CWC27: variants seen among roughly 807,000 people sequenced by gnomAD.
The protein encoded by CWC27 is CWC27 spliceosome associated cyclophilin, also known as spliceosome-associated protein CWC27 homolog.
Under a neutral mutation model 63.6 loss-of-function variants are expected in CWC27, and 47 were observed. The ratio of observed to expected loss-of-function variants is 0.74; its 90% CI spans 0.58 to 0.94. The LOEUF is 0.94. CWC27 is among the 40% of genes least tolerant of loss of function. The pLI is 0.00. For missense variants in CWC27, 495 were observed against 554.3 expected (o/e 0.89, Z 1.07); for synonymous variants, 175 against 179.8 (o/e 0.97, Z 0.22).
At chr5:64,900,796 G>A (rs1365599410) in intron 11 of CWC27, among the ~76,000 whole-genome samples, 5 of 151,962 alleles carry the variant, frequency 3.3e-5, no homozygotes, top group Admixed American at 6.6e-5. Flanking sequence ...TGATTTTATC[G>A]TTGTGTAAAC....
chr5:64,907,768 T>C (rs1440711163), intron 11 of CWC27, among the ~76,000 whole-genome samples: 1 of 152,202 alleles, frequency 6.6e-6, no homozygotes, highest in Non-Finnish European at 1.5e-5. Flanking sequence ...GCTTCCAGTT[T>C]TTGCCCATTC....
chr5:64,971,834 C>T (rs772041657), intron 12 of CWC27, 22 bp downstream of exon 12: 4 of 1,464,594 alleles, frequency 2.7e-6, no homozygotes, highest in Non-Finnish European at 3.8e-6. Context: ...AACCCAAATC[C>T]ATACAGAACT....
At chr5:64,986,422 G>A (rs895653641) in intron 13 of CWC27, among the ~76,000 whole-genome samples, 1 of 152,068 alleles carries the variant, frequency 6.6e-6, no homozygotes, top group Non-Finnish European at 1.5e-5. Flanking sequence ...ATACATTGTT[G>A]AATTTGATTT....
At chr5:64,969,515 C>T (rs1229163795) in intron 11 of CWC27, among the ~76,000 whole-genome samples, 1 of 152,102 alleles carries the variant, frequency 6.6e-6, no homozygotes, top group South Asian at 2.1e-4. Flanking sequence ...GGGCAAATTA[C>T]CCTACACCTT....
chr5:64,884,516 A>G (rs11738479), intron 10 of CWC27, among the ~76,000 whole-genome samples: 50,268 of 152,128 alleles, frequency 0.33, 8,621 homozygotes, highest in East Asian at 0.51. Context: ...GTAATTATCT[A>G]GACTTCAGAT....
In CWC27 at chr5:64,774,914, A is replaced by G. The variant is rs574809154; in HGVS notation, c.139+127A>G. ...GAATGACAGGTGTTGCTATGAGGATATGGTATTGAGCTGGGTGTCCGGAAG... is the reference window on the plus strand; with the variant it reads ...GAATGACAGGTGTTGCTATGAGGATGTGGTATTGAGCTGGGTGTCCGGAAG... On this transcript the variant is annotated intron_variant, in intron 2 of 13. Transcript: ENST00000381070. 2.7e-4 allele frequency: 155 copies of G among 578,050 alleles called. No homozygotes were observed. The African/African-American group carries it at 2.8e-3, about 10-fold the overall frequency. The allele number at this position is 578,050 out of a possible 1,614,324, so 35.8% of individuals were successfully genotyped here.
At chr5:64,776,103 G>A in intron 2 of CWC27, among the ~76,000 whole-genome samples, 2 of 146,070 alleles carry the variant, frequency 1.4e-5, no homozygotes, top group African/African-American at 5.3e-5. Context: ...GAGAGAGAGA[G>A]AGAGAGAGAG....
In CWC27 at chr5:64,951,204, G is replaced by C. The variant is rs1271167414; in HGVS notation, c.1043-20499G>C. On this transcript the variant is annotated intron_variant, in intron 11 of 13. Coordinates refer to ENST00000381070, the MANE Select transcript of CWC27 (RefSeq NM_005869.4). The stretch of plus-strand genomic sequence containing the variant: ...GCACTCCCTCTGGCAATGTAGAAGA[G>C]TTCTAGTTGCATCAAATCCTTGTCA... Among the ~76,000 whole-genome samples, 4 of 151,914 alleles carry C rather than the reference G, an allele frequency of 2.6e-5. No homozygotes were observed. In the South Asian group the frequency reaches 8.3e-4, roughly 32 times the overall value.
chr5:64,933,268 A>T (rs1748275728), intron 11 of CWC27, among the ~76,000 whole-genome samples: 1 of 152,204 alleles, frequency 6.6e-6, no homozygotes, highest in African/African-American at 2.4e-5. Flanking sequence ...TATTTAATAG[A>T]ATTAAATCCC....
intron 10 of CWC27, among the ~76,000 whole-genome samples, chr5:64,851,769 A>G (rs986058220): frequency 5.6e-5 from 8 of 142,664 alleles, no homozygotes; most frequent in African/African-American, 1.0e-4. Context: ...GCTAAGCAAT[A>G]CCAAGTAAAA....
At chr5:64,970,254 C>T (rs1749095717) in intron 11 of CWC27, among the ~76,000 whole-genome samples, 2 of 150,992 alleles carry the variant, frequency 1.3e-5, no homozygotes, top group South Asian at 4.2e-4. Context: ...GCTCTGTCGC[C>T]CAGGCTGGAG....
intron 7 of CWC27, among the ~76,000 whole-genome samples, chr5:64,796,721 A>G (rs113316886): frequency 1.4e-3 from 211 of 151,470 alleles, no homozygotes; most frequent in African/African-American, 4.8e-3. Context: ...TTCTTGGTCA[A>G]TGTTGCTCCT....
intron 11 of CWC27, among the ~76,000 whole-genome samples, chr5:64,911,202 ATC>A (rs1415557350): frequency 6.6e-6 from 1 of 152,110 alleles, no homozygotes; most frequent in Non-Finnish European, 1.5e-5. Context: ...ATTCCATTTT[ATC>A]TCTCTCTTGT....
intron 10 of CWC27, among the ~76,000 whole-genome samples, chr5:64,814,974 T>TCAAATATACCAAAGGTATATTC (rs1182889944): frequency 6.6e-6 from 1 of 152,064 alleles, no homozygotes; most frequent in Non-Finnish European, 1.5e-5. Flanking sequence ...AAGGTATATT[T>TCAAATATACCAAAGGTATATTC]CAAATATACC....
At chr5:64,909,339 C>T (rs1240035551) in intron 11 of CWC27, among the ~76,000 whole-genome samples, 3 of 152,118 alleles carry the variant, frequency 2.0e-5, no homozygotes, top group African/African-American at 4.8e-5. Flanking sequence ...TGTAGGTAAC[C>T]CAACCTTTCT....
At chr5:64,877,417 G>T (rs1415158394) in intron 10 of CWC27, among the ~76,000 whole-genome samples, 1 of 151,974 alleles carries the variant, frequency 6.6e-6, no homozygotes. Flanking sequence ...CTGGGTTTGT[G>T]TGTTGGGGGG....
chr5:64,812,400 G>T (rs76047205), intron 10 of CWC27, among the ~76,000 whole-genome samples: 1,766 of 152,106 alleles, frequency 0.012, 32 homozygotes, highest in African/African-American at 0.04. Flanking sequence ...ATTCTCTTTT[G>T]TCCCAACGTG....
intron 11 of CWC27, among the ~76,000 whole-genome samples, chr5:64,962,303 A>G (rs971243105): frequency 2.0e-5 from 3 of 152,222 alleles, no homozygotes; most frequent in Admixed American, 6.5e-5. Flanking sequence ...TGAGGAAGAG[A>G]GAAAAGAAGG....
chr5:64,916,795 T>A (rs1747895376), intron 11 of CWC27, among the ~76,000 whole-genome samples: 1 of 152,094 alleles, frequency 6.6e-6, no homozygotes, highest in Non-Finnish European at 1.5e-5. Flanking sequence ...ATCTGTAAAA[T>A]TGGCATGTTC....
Sources: allele counts gnomAD v4.1 joint callset (sites outside exome capture counted in the v4.1 genomes callset), GRCh38; gene constraint gnomAD v4.1.1; transcripts MANE v1.5; gene names NCBI Gene and HGNC (gene_info 2026-07-23, HGNC 2026-07-21).